The following INKA2 variants were observed in gnomAD, a reference collection of about 807,000 sequenced individuals.
INKA2 encodes inka box actin regulator 2, also known as PAK4-inhibitor INKA2.
Under a neutral mutation model 9.8 loss-of-function variants are expected in INKA2, and 3 were observed. The observed-to-expected ratio is 0.31, with a 90% confidence interval of 0.14 to 0.79. INKA2 has a LOEUF of 0.79. INKA2 is among the 30% of genes least tolerant of loss of function. The probability of loss-of-function intolerance (pLI) is 0.62; values close to 1 mark genes in which losing one functional copy is unlikely to be tolerated. For synonymous variants in INKA2, 147 were observed against 143.3 expected (o/e 1.03, Z -0.18); for missense variants, 392 against 384.4 (o/e 1.02, Z -0.17).
chr1:111,724,029 T>C lies in INKA2; in HGVS notation c.*2939A>G, dbSNP rs902136639. Reference sequence around the variant, plus strand: ...CCACTACTGTGTGACCTTGGACAAGTTGCTTAACTTCTCTGAGCCTGTCCA... The same window carrying C: ...CCACTACTGTGTGACCTTGGACAAGCTGCTTAACTTCTCTGAGCCTGTCCA... On this transcript the variant is annotated 3_prime_UTR_variant, in exon 2 of 2. Transcript: ENST00000357260. 3 of 152,248 alleles carry C rather than the reference T, an allele frequency of 2.0e-5. No individual in the cohort carries two copies. Among genetic ancestry groups the C allele is most frequent in the African/African-American group, 7.2e-5 (3 of 41,458 alleles). 9.4% of individuals were successfully genotyped at this position (152,248 alleles called of 1,614,324 possible).
Position 111,726,082 on chromosome 1 carries a change from G to A in INKA2, c.*886C>T, listed in dbSNP as rs1270085064. The A allele has an allele frequency of 1.0e-5, 4 of 398,470 alleles. No homozygotes were observed. Among genetic ancestry groups the A allele is most frequent in the Non-Finnish European group, 1.8e-5 (4 of 226,090 alleles). 24.7% of individuals were successfully genotyped at this position (398,470 alleles called of 1,614,324 possible). ...TGGGGAGGAGTGTTGGTAACTCCAG[G>A]GTCCAGCTTCTACTCTGCAGTTAGA... is the stretch of plus-strand genomic sequence containing the variant. On this transcript the variant is annotated 3_prime_UTR_variant, in exon 2 of 2. Coordinates refer to ENST00000357260, the MANE Select transcript of INKA2 (RefSeq NM_019099.5).
intron 1 of INKA2, chr1:111,745,253 CACACAGAGATATTATATATATAT>C (rs1663236255): frequency 7.8e-6 from 1 of 128,692 alleles, no homozygotes; most frequent in Non-Finnish European, 1.6e-5. Context: ...CACACACACA[CACACAGAGATATTATATATATAT>C]ATATATATAT....
chr1:111,726,019 G>A lies in INKA2; in HGVS notation c.*949C>T, dbSNP rs775350505. The A allele has an allele frequency of 1.3e-4, 53 of 398,498 alleles. No individual in the cohort carries two copies. The highest frequency in any genetic ancestry group is 2.1e-4 in the Non-Finnish European group (47 of 226,102). 24.7% of individuals were successfully genotyped at this position (398,498 alleles called of 1,614,324 possible). A position where few individuals can be genotyped will look rare whatever the true frequency, so the allele number is the denominator to read the frequency against. ...CCCAAAGTGCTGGGATTACAGGCGTGAGCCACAGCGCCCAGCCTGCGGGGT... is the reference window on the plus strand; with the variant it reads ...CCCAAAGTGCTGGGATTACAGGCGTAAGCCACAGCGCCCAGCCTGCGGGGT... On this transcript the variant is annotated 3_prime_UTR_variant, in exon 2 of 2. Transcript: ENST00000357260.
rs148046710 is a variant in INKA2 at position 111,722,673 on chromosome 1, TAAC to T, written c.*4292_*4294del. On this transcript the variant is annotated 3_prime_UTR_variant, in exon 2 of 2. Transcript: ENST00000357260. ...CAGTGTAAATTTGCCATTTAGCAAATAACAGCCCATCTGGGTGGCTAGTATACA... is the reference window on the plus strand; with the variant it reads ...CAGTGTAAATTTGCCATTTAGCAAATAGCCCATCTGGGTGGCTAGTATACA... 232 of 160,768 alleles carry T rather than the reference TAAC, an allele frequency of 1.4e-3. No individual in the cohort carries two copies. Among genetic ancestry groups the T allele is most frequent in the Admixed American group, 3.1e-3 (49 of 15,682 alleles). The allele number at this position is 160,768 out of a possible 1,614,324, so 10.0% of individuals were successfully genotyped here.
At chr1:111,728,903 C>CT (rs34918562) in intron 1 of INKA2, among the ~76,000 whole-genome samples, 4,998 of 115,518 alleles carry the variant, frequency 0.043, 256 homozygotes, top group East Asian at 0.1. Context: ...TGGAGCTAGG[C>CT]TTTTTTTTTT....
intron 1 of INKA2, chr1:111,755,404 C>T (rs1294224105): frequency 2.1e-6 from 1 of 486,326 alleles, no homozygotes; most frequent in Admixed American, 4.0e-5. Flanking sequence ...GGTAAATAAA[C>T]CCTTGGGTCC....
chr1:111,737,475 A>C (rs769596256), intron 1 of INKA2, among the ~76,000 whole-genome samples: 4 of 152,126 alleles, frequency 2.6e-5, no homozygotes, highest in Non-Finnish European at 4.4e-5. Context: ...GTAGTCCCCA[A>C]TTCGAAGCAC....
At position 111,727,355 on chromosome 1, in the gene INKA2, C is replaced by A. The variant is rs779438654; in HGVS notation, c.507G>T (p.Trp169Cys). 2 of 1,614,052 alleles carry A rather than the reference C, an allele frequency of 1.2e-6. No homozygotes were observed. The highest frequency in any genetic ancestry group is 1.7e-6 in the Non-Finnish European group (2 of 1,179,968). ...DNVFADLVGN[W>C]LDLPELEKGG... ...CCTTCTCCAGTTCTGGCAAGTCTAG[C>A]CAATTGCCCACCAGGTCTGCAAAAA... Residue 169 changes from tryptophan (W) to cysteine (C), a missense_variant, in exon 2 of 2, where the codon TGG becomes TGT. Transcript: ENST00000357260.
upstream of INKA2, among the ~76,000 whole-genome samples, chr1:111,740,971 T>TAAAAAAAAA (rs869221820): frequency 1.8e-3 from 70 of 38,404 alleles, 34 homozygotes; most frequent in Non-Finnish European, 2.7e-3. Context: ...AAACTCCGTT[T>TAAAAAAAAA]AAAAAAAAAA....
chr1:111,745,395 C>T (rs577974654), intron 1 of INKA2: 1 of 146,126 alleles, frequency 6.8e-6, no homozygotes, highest in East Asian at 2.1e-4. Context: ...TCCCTTGGCT[C>T]AGGTGATCCT....
Position 111,727,644 on chromosome 1 carries a change from T to C in INKA2, c.218A>G (p.Gln73Arg). 3 of 1,608,936 alleles carry C rather than the reference T, an allele frequency of 1.9e-6. No individual in the cohort carries two copies. Among genetic ancestry groups the C allele is most frequent in the Non-Finnish European group, 2.5e-6 (3 of 1,177,094 alleles). ...VPGSPEGPRT[Q>R]CEHPCWEGGR... is the part of the protein sequence containing the mutation. ...ACCCTCCCAACAAGGGTGCTCGCAC[T>C]GGGTCCTGGGACCTTCAGGGCTGCC... Residue 73 changes from glutamine to arginine, a missense_variant, in exon 2 of 2, where the codon CAG becomes CGG. Gln to Arg is a conservative substitution (Grantham distance 43). Transcript: ENST00000357260.
At chr1:111,742,876 C>T (rs114940192), upstream of INKA2, among the ~76,000 whole-genome samples, 2,941 of 152,306 alleles carry the variant, frequency 0.019, 81 homozygotes, top group African/African-American at 0.065. Flanking sequence ...GCCATTGCAA[C>T]TTACGTATTC....
chr1:111,743,518 G>A (rs1280542084), upstream of INKA2, among the ~76,000 whole-genome samples: 3 of 151,466 alleles, frequency 2.0e-5, no homozygotes, highest in Non-Finnish European at 2.9e-5. Context: ...CAAATGAAGA[G>A]GCAGAACCAG....
intron 1 of INKA2, among the ~76,000 whole-genome samples, chr1:111,738,829 G>A (rs932632777): frequency 2.0e-5 from 3 of 151,910 alleles, no homozygotes; most frequent in African/African-American, 7.3e-5. Flanking sequence ...CTTCGCTCTC[G>A]CGCTTTCCGC....
intron 1 of INKA2, among the ~76,000 whole-genome samples, chr1:111,750,901 G>C (rs1204927881): frequency 6.6e-6 from 1 of 152,136 alleles, no homozygotes; most frequent in Non-Finnish European, 1.5e-5. Flanking sequence ...GGTCATTTCT[G>C]CCATACCTGC....
chr1:111,731,915 C>T (rs1370163386), intron 1 of INKA2, among the ~76,000 whole-genome samples: 1 of 152,238 alleles, frequency 6.6e-6, no homozygotes, highest in African/African-American at 2.4e-5. Flanking sequence ...TCCCTCCCCA[C>T]TCCTGCCCCA....
At chr1:111,754,074 T>G (rs1209914899) in intron 1 of INKA2, 1 of 152,152 alleles carries the variant, frequency 6.6e-6, no homozygotes, top group Non-Finnish European at 1.5e-5. Flanking sequence ...GATAAAGGGA[T>G]CTAAAATATA....
chr1:111,742,145 G>A (rs534396448), upstream of INKA2, among the ~76,000 whole-genome samples: 11 of 152,338 alleles, frequency 7.2e-5, no homozygotes, highest in African/African-American at 2.6e-4. Flanking sequence ...TGATCTCTTG[G>A]CAAGAACCTA....
chr1:111,753,967 TA>T (rs1407619813), intron 1 of INKA2: 1 of 152,108 alleles, frequency 6.6e-6, no homozygotes, highest in Non-Finnish European at 1.5e-5. Flanking sequence ...GATATCCACT[TA>T]AGAAAGATCA....
Sources: allele counts gnomAD v4.1 joint callset (sites outside exome capture counted in the v4.1 genomes callset), GRCh38; gene constraint gnomAD v4.1.1; transcripts MANE v1.5; gene names NCBI Gene and HGNC (gene_info 2026-07-23, HGNC 2026-07-21).